TNFRSF17: variants seen among roughly 807,000 people sequenced by gnomAD.
TNFRSF17 encodes TNF receptor superfamily member 17.
TNFRSF17 carries 13 observed loss-of-function variants against 9.9 expected under a neutral mutation model. The ratio of observed to expected loss-of-function variants is 1.31; its 90% CI spans 0.85 to 2.08. TNFRSF17 has a LOEUF of 2.08. TNFRSF17 is among the 30% of genes most tolerant of loss of function. The pLI is 0.00. For synonymous variants in TNFRSF17, 99 were observed against 83.7 expected (o/e 1.18, Z -1.00); for missense variants, 305 against 225.8 (o/e 1.35, Z -2.25).
Position 11,967,550 on chromosome 16 carries a change from T to A in TNFRSF17, c.278-20T>A. 6.2e-7 allele frequency: 1 copy of A among 1,602,390 alleles called. No individual in the cohort carries two copies. Among genetic ancestry groups the A allele is most frequent in the Non-Finnish European group, 8.5e-7 (1 of 1,172,254 alleles). On this transcript the variant is annotated intron_variant, in intron 2 of 2. Transcript: ENST00000053243. Reference sequence around the variant, plus strand: ...TTCTCTGTGAAGTTTGGGTTAATGTTTCCGTTTCTACATAATTAGGATCAG... The same window carrying A: ...TTCTCTGTGAAGTTTGGGTTAATGTATCCGTTTCTACATAATTAGGATCAG...
At chr16:11,966,952 A>G (rs905122253) in intron 2 of TNFRSF17, 1 of 159,482 alleles carries the variant, frequency 6.3e-6, no homozygotes, top group African/African-American at 2.4e-5. Flanking sequence ...CCAAGCATGT[A>G]CAGCCACTGC....
Position 11,965,283 on chromosome 16 carries a change from A to C in TNFRSF17, c.-42A>C. 6.2e-7 allele frequency: 1 copy of C among 1,612,588 alleles called. No individual in the cohort carries two copies. The highest frequency in any genetic ancestry group is 8.5e-7 in the Non-Finnish European group (1 of 1,179,118). ...TTGTAGAGATATTACTTGTCCTTCC[A>C]GGCTGTTCTTTCTGTAGCTCCCTTG... On this transcript the variant is annotated 5_prime_UTR_variant, in exon 1 of 3. Coordinates refer to ENST00000053243, the MANE Select transcript of TNFRSF17 (RefSeq NM_001192.3).
At chr16:11,966,119 T>C in intron 1 of TNFRSF17, 76 bp from the exon 2 acceptor site, 1 of 1,422,496 alleles carries the variant, frequency 7.0e-7, no homozygotes, top group Non-Finnish European at 9.5e-7. Context: ...TCAAAATAAA[T>C]AAATAAATAA....
Position 11,967,759 on chromosome 16 carries a change from T to C in TNFRSF17, c.467T>C (p.Leu156Pro). ...LPAMEEGATI[L>P]VTTKTNDYCK... is the part of the protein sequence containing the mutation. The stretch of plus-strand genomic sequence containing the variant: ...GCTATGGAGGAAGGCGCAACCATTC[T>C]TGTCACCACGAAAACGAATGACTAT... Residue 156 changes from leucine (L) to proline (P), a missense_variant, in exon 3 of 3, where the codon CTT becomes CCT. Physicochemically the swap from Leu to Pro is moderately conservative, Grantham distance 98 (BLOSUM62 -3). Coordinates refer to ENST00000053243, the MANE Select transcript of TNFRSF17 (RefSeq NM_001192.3). The C allele has an allele frequency of 6.2e-7, 1 of 1,614,220 alleles. No individual in the cohort carries two copies. Among genetic ancestry groups the C allele is most frequent in the East Asian group, 2.2e-5 (1 of 44,894 alleles).
chr16:11,965,458 A>G lies in TNFRSF17; in HGVS notation c.130+4A>G, dbSNP rs763625636. ...TGTCAGCGTTATTGTAATGCAAGTA[A>G]GTAATATTGCTTGAACGATTATTCA... On this transcript the variant is annotated splice_donor_region_variant and intron_variant, in intron 1 of 2. Coordinates refer to ENST00000053243, the MANE Select transcript of TNFRSF17 (RefSeq NM_001192.3). 1 of 1,613,884 alleles carries G rather than the reference A, an allele frequency of 6.2e-7. No homozygotes were observed.
chr16:11,966,389 T>C (rs771567916), intron 2 of TNFRSF17, 48 bp downstream of exon 2: 5 of 1,572,720 alleles, frequency 3.2e-6, no homozygotes, highest in Admixed American at 1.8e-5. Context: ...GGGATGGCTA[T>C]TGTGAGTTTC....
In TNFRSF17 at chr16:11,966,277, C is replaced by T. The variant is rs753224006; in HGVS notation, c.213C>T (p.Phe71=). 49 of 1,613,810 alleles carry T rather than the reference C, an allele frequency of 3.0e-5. No homozygotes were observed. Among genetic ancestry groups the T allele is most frequent in the Non-Finnish European group, 3.7e-5 (44 of 1,179,910 alleles). The change falls in exon 2 of 3, where the codon TTC becomes TTT. Residue 71 remains phenylalanine (F), a synonymous_variant. Transcript: ENST00000053243. The stretch of plus-strand genomic sequence containing the variant: ...GCTTAATAATTTCTTTGGCAGTTTT[C>T]GTGCTAATGTTTTTGCTAAGGAAGA... The part of the protein sequence containing the change: ...GLSLIISLAV[F]VLMFLLRKIN...
rs113542863 is a variant in TNFRSF17, at chr16:11,968,055, C to CT, written c.*216dup. The CT allele has an allele frequency of 0.34, 173,833 of 507,648 alleles. 30,848 individuals carry two copies. The highest frequency in any genetic ancestry group is 0.58 in the East Asian group (15,621 of 27,068). The allele number at this position is 507,648 out of a possible 1,614,324, so 31.4% of individuals were successfully genotyped here. A position where few individuals can be genotyped will look rare whatever the true frequency, so the allele number is the denominator to read the frequency against. ...ACTTCCTTGGTTTCATGATTAAACT[C>CT]TTTTTTTTCCTGACATCTAAGTTTT... is the stretch of plus-strand genomic sequence containing the variant. On this transcript the variant is annotated 3_prime_UTR_variant, in exon 3 of 3. Coordinates refer to ENST00000053243, the MANE Select transcript of TNFRSF17 (RefSeq NM_001192.3).
intron 1 of TNFRSF17, 42 bp from the exon 2 acceptor site, chr16:11,966,151 TTA>T (rs1567479144): frequency 1.2e-5 from 18 of 1,539,698 alleles, no homozygotes; most frequent in Non-Finnish European, 1.5e-5. Flanking sequence ...TATGTGAATA[TTA>T]TGTTATCAGC....
chr16:11,967,347 T>C (rs2055202528), intron 2 of TNFRSF17, among the ~76,000 whole-genome samples: 1 of 152,110 alleles, frequency 6.6e-6, no homozygotes, highest in East Asian at 1.9e-4. Flanking sequence ...AAGCTGGGTG[T>C]GGTGGCATGG....
chr16:11,967,853 C>A lies in TNFRSF17; in HGVS notation c.*6C>A, dbSNP rs1290862704. 5.6e-6 allele frequency: 9 copies of A among 1,611,572 alleles called. No individual in the cohort carries two copies. The highest frequency in any genetic ancestry group is 1.7e-4 in the Middle Eastern group (1 of 6,046). On this transcript the variant is annotated 3_prime_UTR_variant, in exon 3 of 3. Transcript: ENST00000053243. Reference sequence around the variant, plus strand: ...AATCAATTTCTGCTAGGTAATTAACCATTTCGACTCGAGCAGTGCCACTTT... The same window carrying A: ...AATCAATTTCTGCTAGGTAATTAACAATTTCGACTCGAGCAGTGCCACTTT...
chr16:11,965,606 G>T, intron 1 of TNFRSF17, 152 bp downstream of exon 1: 1 of 806,912 alleles, frequency 1.2e-6, no homozygotes, highest in Non-Finnish European at 1.9e-6. Context: ...AATGTTTATG[G>T]AAACAAAGTA....
Position 11,967,012 on chromosome 16 carries a change from T to G in TNFRSF17, c.278-558T>G, listed in dbSNP as rs1349059116. The stretch of plus-strand genomic sequence containing the variant: ...TTTATTTATTTATTTATTTATTTAT[T>G]TATTTAGAGATGGAGTCTCGCTCTG... On this transcript the variant is annotated intron_variant, in intron 2 of 2. Transcript: ENST00000053243. 5.4e-4 allele frequency: 85 copies of G among 157,914 alleles called. 2 individuals carry two copies. The Admixed American group carries it at 6.2e-3, about 12-fold the overall frequency. 9.8% of individuals were successfully genotyped at this position (157,914 alleles called of 1,614,324 possible).
Position 11,968,043 on chromosome 16 carries a change from C to A in TNFRSF17, c.*196C>A. On this transcript the variant is annotated 3_prime_UTR_variant, in exon 3 of 3. Transcript: ENST00000053243. ...TTAATGGTAGAAACTTCCTTGGTTT[C>A]ATGATTAAACTCTTTTTTTTCCTGA... 8 of 552,420 alleles carry A rather than the reference C, an allele frequency of 1.4e-5. No homozygotes were observed. Among genetic ancestry groups the A allele is most frequent in the Middle Eastern group, 5.1e-4 (1 of 1,976 alleles). 34.2% of individuals were successfully genotyped at this position (552,420 alleles called of 1,614,324 possible).
intron 2 of TNFRSF17, 119 bp downstream of exon 2, chr16:11,966,460 T>C: frequency 1.9e-6 from 2 of 1,028,364 alleles, no homozygotes; most frequent in South Asian, 3.5e-5. Flanking sequence ...TCGAATGTGT[T>C]AGAACATTGT....
chr16:11,967,619 T>A lies in TNFRSF17; in HGVS notation c.327T>A (p.Thr109=), dbSNP rs756217244. 1.4e-5 allele frequency: 22 copies of A among 1,614,204 alleles called. No homozygotes were observed. Among genetic ancestry groups the A allele is most frequent in the Non-Finnish European group, 1.8e-5 (21 of 1,180,038 alleles). ...ACATTGACCTGGAAAAGAGCAGGAC[T>A]GGTGATGAAATTATTCTTCCGAGAG... The part of the protein sequence containing the change: ...MANIDLEKSR[T]GDEIILPRGL... The change falls in exon 3 of 3, where the codon ACT becomes ACA. Residue 109 remains threonine (T), a synonymous_variant. Transcript: ENST00000053243.
chr16:11,967,508 A>C lies in TNFRSF17; in HGVS notation c.278-62A>C, dbSNP rs936671167. ...CTTTGAGTCCCGATGTGTACTGCTAAGACTCTCATGACCACATTCTCTGTG... is the reference window on the plus strand; with the variant it reads ...CTTTGAGTCCCGATGTGTACTGCTACGACTCTCATGACCACATTCTCTGTG... On this transcript the variant is annotated intron_variant, in intron 2 of 2. Transcript: ENST00000053243. 17 of 1,533,766 alleles carry C rather than the reference A, an allele frequency of 1.1e-5. No individual in the cohort carries two copies. The Admixed American group carries it at 2.2e-4, about 20-fold the overall frequency.
chr16:11,966,470 T>C (rs2055195177), intron 2 of TNFRSF17, 129 bp downstream of exon 2: 3 of 942,192 alleles, frequency 3.2e-6, no homozygotes, highest in Admixed American at 2.9e-5. Context: ...TAGAACATTG[T>C]TACATTAAAT....
intron 2 of TNFRSF17, among the ~76,000 whole-genome samples, chr16:11,966,664 A>C (rs988200360): frequency 1.3e-5 from 2 of 152,162 alleles, no homozygotes; most frequent in Admixed American, 1.3e-4. Flanking sequence ...CATTATCAGA[A>C]ACTCCTAGCC....
Sources: gnomAD v4.1 joint callset for allele counts (sites outside exome capture counted in the v4.1 genomes callset) on GRCh38, gnomAD v4.1.1 for gene constraint, MANE v1.5 for transcripts, NCBI Gene and HGNC (gene_info 2026-07-23, HGNC 2026-07-21) for gene names.